Variants in PPARA observed in about 807,000 individuals in gnomAD.
PPARA encodes peroxisome proliferator-activated receptor alpha.
A neutral mutation model predicts 42.2 loss-of-function variants in PPARA; 22 were observed. The ratio of observed to expected loss-of-function variants is 0.52; its 90% confidence interval spans 0.37 to 0.74. PPARA has a LOEUF of 0.74. PPARA is among the 30% of genes least tolerant of loss of function. The pLI, the probability that PPARA is intolerant of heterozygous loss-of-function variation, is 0.00. For missense variants in PPARA, 465 were observed against 608.2 expected, an observed-to-expected ratio of 0.76 and a Z score of 2.48; for synonymous variants, 242 against 239.3, an observed-to-expected ratio of 1.01 and a Z score of -0.10.
At chr22:46,201,645 C>G (rs1242591521) in intron 4 of PPARA, among the ~76,000 whole-genome samples, 1 of 152,122 alleles carries the variant, frequency 6.6e-6, no homozygotes, top group Non-Finnish European at 1.5e-5. Context: ...CACCTCACAC[C>G]TCGGCTTGCC....
At chr22:46,215,583 C>A (rs575092072) in intron 5 of PPARA, among the ~76,000 whole-genome samples, 2 of 151,462 alleles carry the variant, frequency 1.3e-5, no homozygotes, top group African/African-American at 4.8e-5. Context: ...ACTAAAAATA[C>A]CAAAAAAAAT....
At position 46,167,887 on chromosome 22, in the gene PPARA, A is replaced by T. The variant is rs117628520; in HGVS notation, c.-126-8866A>T. Reference sequence around the variant, plus strand: ...ACAAGAGTGGGTCTTTACCAAAAAAAAAAAATAAAAAGCCTGTGCCAGGCA... The same window carrying T: ...ACAAGAGTGGGTCTTTACCAAAAAATAAAAATAAAAAGCCTGTGCCAGGCA... On this transcript the variant is annotated intron_variant, in intron 2 of 8. Transcript: ENST00000407236. This position sits in a 1 kb window ranked among gnomAD's most constrained non-coding sequence, Gnocchi z 4.1. Among the ~76,000 whole-genome samples, 756 of 152,044 alleles carry T rather than the reference A, an allele frequency of 5.0e-3. 12 individuals carry two copies. The East Asian group carries it at 0.069, about 14-fold the overall frequency.
intron 2 of PPARA, among the ~76,000 whole-genome samples, chr22:46,157,078 G>C (rs1358972949): frequency 6.6e-6 from 1 of 152,190 alleles, no homozygotes; most frequent in African/African-American, 2.4e-5. Flanking sequence ...CGTCAAGCCA[G>C]GACCCGGTGC....
At position 46,187,471 on chromosome 22, in the gene PPARA, C is replaced by T. The variant is rs1306703875; in HGVS notation, c.-43+10635C>T. On this transcript the variant is annotated intron_variant, in intron 3 of 8. Transcript: ENST00000407236. The surrounding 1 kb of genome is among the most constrained non-coding windows in gnomAD (Gnocchi z 4.9). ...GATCAGCTCTTTATCTCGCAGTCCT[C>T]CTGCCTCTTGTGTCATTACCCAGGG... 6.6e-6 allele frequency among the ~76,000 whole-genome samples: 1 copy of T among 152,232 alleles called. No homozygotes were observed. Among genetic ancestry groups the T allele is most frequent in the East Asian group, 1.9e-4 (1 of 5,200 alleles).
intron 4 of PPARA, among the ~76,000 whole-genome samples, chr22:46,207,443 G>A (rs938346754): frequency 2.7e-5 from 4 of 149,052 alleles, no homozygotes; most frequent in Non-Finnish European, 4.5e-5. Flanking sequence ...CACCACACCC[G>A]GCTAATTTTT....
chr22:46,205,498 G>T (rs1933143997), intron 4 of PPARA, among the ~76,000 whole-genome samples: 1 of 126,706 alleles, frequency 7.9e-6, no homozygotes, highest in African/African-American at 3.0e-5. Context: ...GGGATTACAG[G>T]CGTGAGCCAC....
Position 46,180,913 on chromosome 22 carries a change from C to A in PPARA, c.-43+4077C>A, listed in dbSNP as rs138906268. Among the ~76,000 whole-genome samples, 1,910 of 152,216 alleles carry A rather than the reference C, an allele frequency of 0.013. 31 individuals are homozygous for A. The highest frequency in any genetic ancestry group is 0.044 in the African/African-American group (1,822 of 41,530). ...TTGGTGCCAATGGGAGGACTTTAGC[C>A]CGGAAAGGAGATTGGCTCTCCTGCA... On this transcript the variant is annotated intron_variant, in intron 3 of 8. Transcript: ENST00000407236. The surrounding 1 kb of genome is among the most constrained non-coding windows in gnomAD (Gnocchi z 4.2).
chr22:46,189,182 C>T (rs188676956), intron 3 of PPARA, among the ~76,000 whole-genome samples: 87 of 152,328 alleles, frequency 5.7e-4, no homozygotes, highest in African/African-American at 2.1e-3. Context: ...AAACTTGCAG[C>T]TTTTCTTCTC....
In PPARA at chr22:46,233,721, TATCA is replaced by T. The variant is rs1329532652; in HGVS notation, c.1160-1408_1160-1405del. Among the ~76,000 whole-genome samples the T allele has an allele frequency of 2.0e-5, 3 of 152,230 alleles. No homozygotes were observed. Among genetic ancestry groups the T allele is most frequent in the Non-Finnish European group, 2.9e-5 (2 of 68,038 alleles). Reference sequence around the variant, plus strand: ...TTTTATAAAGGAAATTATAATCCTATATCAATCCTATGTATATAGAAAAATGTCC... The same window carrying T: ...TTTTATAAAGGAAATTATAATCCTATATCCTATGTATATAGAAAAATGTCC... On this transcript the variant is annotated intron_variant, in intron 8 of 8. Transcript: ENST00000407236. This position sits in a 1 kb window ranked among gnomAD's most constrained non-coding sequence, Gnocchi z 7.3.
At chr22:46,189,602 T>G (rs930601449) in intron 3 of PPARA, among the ~76,000 whole-genome samples, 3 of 152,264 alleles carry the variant, frequency 2.0e-5, no homozygotes, top group African/African-American at 7.2e-5. Flanking sequence ...CTGGTCCTTT[T>G]CCTTCTGTTT....
In PPARA at chr22:46,225,986, C is replaced by T. The variant is rs1332341531; in HGVS notation, c.712-5806C>T. 7.6e-6 allele frequency among the ~76,000 whole-genome samples: 1 copy of T among 131,008 alleles called. No homozygotes were observed. Among genetic ancestry groups the T allele is most frequent in the Non-Finnish European group, 1.5e-5 (1 of 65,886 alleles). 85.9% of individuals were successfully genotyped at this position (131,008 alleles called of 152,430 possible). On this transcript the variant is annotated intron_variant, in intron 7 of 8. Coordinates refer to ENST00000407236, the MANE Select transcript of PPARA (RefSeq NM_005036.6). This position sits in a 1 kb window ranked among gnomAD's most constrained non-coding sequence, Gnocchi z 4.1. Reference sequence around the variant, plus strand: ...CCACATTCACCCATACAGTCACACACATGCATACACACACATACAAACACA... The same window carrying T: ...CCACATTCACCCATACAGTCACACATATGCATACACACACATACAAACACA...
Position 46,235,124 on chromosome 22 carries a change from C to T in PPARA, c.1160-9C>T, listed in dbSNP as rs562526999. 20 of 1,613,906 alleles carry T rather than the reference C, an allele frequency of 1.2e-5. No homozygotes were observed. In the South Asian group the frequency reaches 1.5e-4, roughly 12 times the overall value. ...ACACTCAAACCTCTCTCTCTTCTTT[C>T]GAGACTAGATCGTCCTGGCCTTCTA... On this transcript the variant is annotated splice_polypyrimidine_tract_variant and intron_variant, in intron 8 of 8. Coordinates refer to ENST00000407236, the MANE Select transcript of PPARA (RefSeq NM_005036.6). This position sits in a 1 kb window ranked among gnomAD's most constrained non-coding sequence, Gnocchi z 7.0.
At chr22:46,186,372 C>T (rs1186791722) in intron 3 of PPARA, among the ~76,000 whole-genome samples, 2 of 152,136 alleles carry the variant, frequency 1.3e-5, no homozygotes, top group East Asian at 1.9e-4. Context: ...GTGCAACACA[C>T]TTGAATAAGG....
chr22:46,215,399 C>T (rs773096032), intron 5 of PPARA, 66 bp downstream of exon 5: 1 of 1,593,340 alleles, frequency 6.3e-7, no homozygotes, highest in Admixed American at 1.7e-5. Flanking sequence ...ACTTTTATAG[C>T]AAATGGCAGT....
intron 2 of PPARA, among the ~76,000 whole-genome samples, chr22:46,157,824 A>G (rs1484158197): frequency 1.3e-5 from 2 of 152,208 alleles, no homozygotes. Context: ...TCTGTGTTCC[A>G]GGAGGCAGGA....
At position 46,235,004 on chromosome 22, in the gene PPARA, A is replaced by G. The variant is rs1936124906; in HGVS notation, c.1160-129A>G. On this transcript the variant is annotated intron_variant, in intron 8 of 8. Transcript: ENST00000407236. The surrounding 1 kb of genome is among the most constrained non-coding windows in gnomAD (Gnocchi z 7.0). ...TGTCTATCTTCCAGTCAAGTTGACAATATCTAAAGGCAGCTCAGTTTTTTT... is the reference window on the plus strand; with the variant it reads ...TGTCTATCTTCCAGTCAAGTTGACAGTATCTAAAGGCAGCTCAGTTTTTTT... 2 of 1,296,812 alleles carry G rather than the reference A, an allele frequency of 1.5e-6. No homozygotes were observed. Among genetic ancestry groups the G allele is most frequent in the East Asian group, 2.3e-5 (1 of 42,798 alleles). 80.3% of individuals were successfully genotyped at this position (1,296,812 alleles called of 1,614,324 possible).
intron 3 of PPARA, among the ~76,000 whole-genome samples, chr22:46,178,117 G>A (rs1929434896): frequency 6.6e-6 from 1 of 152,142 alleles, no homozygotes; most frequent in Non-Finnish European, 1.5e-5. Context: ...GGACTCGTAA[G>A]GAGGGGGTAG....
chr22:46,158,204 T>C (rs1925606987), intron 2 of PPARA, among the ~76,000 whole-genome samples: 1 of 152,166 alleles, frequency 6.6e-6, no homozygotes, highest in Non-Finnish European at 1.5e-5. Context: ...GTCAGGAGTT[T>C]GAGACCAGCC....
At chr22:46,189,881 A>G (rs1163953230) in intron 3 of PPARA, among the ~76,000 whole-genome samples, 2 of 151,822 alleles carry the variant, frequency 1.3e-5, no homozygotes, top group South Asian at 2.1e-4. Context: ...TAATTTTTGT[A>G]TTTTTAATAG....
Sources: gnomAD v4.1 joint callset for allele counts (sites outside exome capture counted in the v4.1 genomes callset) on GRCh38, gnomAD v4.1.1 for gene constraint, Gnocchi (gnomAD v3.1) non-coding constraint, MANE v1.5 for transcripts, NCBI Gene and HGNC (gene_info 2026-07-23, HGNC 2026-07-21) for gene names.